The following TBC1D1 variants were observed in gnomAD, a reference collection of about 807,000 sequenced individuals.
TBC1D1 encodes the protein TBC1 domain family member 1, also known as TBC1 (tre-2/USP6, BUB2, cdc16) domain family, member 1.
In TBC1D1, 89 loss-of-function variants were observed where a neutral mutation model predicts 125.6. The observed-to-expected ratio is 0.71, with a 90% CI of 0.60 to 0.85. TBC1D1 has a LOEUF of 0.85. Among genes scored for constraint, TBC1D1 ranks in the 40% least tolerant of loss-of-function variants. The pLI, the probability that TBC1D1 is intolerant of heterozygous loss-of-function variation, is 0.00. For missense variants in TBC1D1, 1,377 were observed against 1,469.2 expected, an observed-to-expected ratio of 0.94 and a Z score of 1.03; for synonymous variants, 565 against 564.1, an observed-to-expected ratio of 1.00 and a Z score of -0.02.
intron 2 of TBC1D1, among the ~76,000 whole-genome samples, chr4:37,983,427 T>C (rs1050334774): frequency 1.2e-4 from 19 of 152,150 alleles, no homozygotes; most frequent in African/African-American, 4.6e-4. Context: ...TCCCCCAAAC[T>C]CTTATAGCTG....
rs1489222747 is a variant in TBC1D1 at position 37,902,249 on chromosome 4, A to G, written c.154A>G (p.Arg52Gly). Reference sequence around the variant, plus strand: ...TGTGGCTGAGGTGCGAAGACTCAGCAGGCAGTCCACCAGAAAGGAACCTGT... The same window carrying G: ...TGTGGCTGAGGTGCGAAGACTCAGCGGGCAGTCCACCAGAAAGGAACCTGT... Residue 52 changes from arginine (R) to glycine (G), a missense_variant, in exon 2 of 20, where the codon AGG becomes GGG. By Grantham distance (125) the Arg-to-Gly change is moderately radical. Around this residue, in one of 3 missense-constraint regions of TBC1D1, gnomAD observed 822 missense variants for 824.6 expected, o/e 1.00. Coordinates refer to ENST00000261439, the MANE Select transcript of TBC1D1 (RefSeq NM_015173.4). 1.2e-6 allele frequency: 2 copies of G among 1,614,132 alleles called. No homozygotes were observed. The highest frequency in any genetic ancestry group is 1.7e-6 in the Non-Finnish European group (2 of 1,180,020).
At chr4:38,101,302 T>A (rs543684033) in intron 14 of TBC1D1, among the ~76,000 whole-genome samples, 2 of 152,274 alleles carry the variant, frequency 1.3e-5, no homozygotes, top group South Asian at 4.1e-4. Flanking sequence ...AATGCCTAAC[T>A]TGGAGGCTTC....
chr4:38,056,180 C>T lies in TBC1D1; in HGVS notation c.2050+1842C>T, dbSNP rs75963568. On this transcript the variant is annotated intron_variant, in intron 12 of 19. Transcript: ENST00000261439. ...CTGAAGCCACACGGAAATGTGTTTG[C>T]ATCTGTTTCCTGCCCTTCAGATGAC... Among the ~76,000 whole-genome samples the T allele has an allele frequency of 8.9e-3, 1,362 of 152,288 alleles. 21 individuals are homozygous for T. The highest frequency in any genetic ancestry group is 0.031 in the African/African-American group (1,292 of 41,558).
At chr4:38,110,457 G>C in intron 15 of TBC1D1, 1 of 985,382 alleles carries the variant, frequency 1.0e-6, no homozygotes, top group Non-Finnish European at 1.2e-6. Context: ...ATTGATCCTG[G>C]AAGAACATCC....
At chr4:37,997,389 T>C (rs1045299161) in intron 2 of TBC1D1, among the ~76,000 whole-genome samples, 1 of 152,230 alleles carries the variant, frequency 6.6e-6, no homozygotes, top group Non-Finnish European at 1.5e-5. Context: ...TTGTGTGTTA[T>C]GTCGTGAAGC....
chr4:37,924,544 C>A (rs1005505800), intron 2 of TBC1D1, among the ~76,000 whole-genome samples: 6 of 152,164 alleles, frequency 3.9e-5, no homozygotes, highest in Non-Finnish European at 5.9e-5. Context: ...CTGCTCCCTG[C>A]CTCCAGACCC....
intron 2 of TBC1D1, among the ~76,000 whole-genome samples, chr4:37,994,216 T>G (rs1323378692): frequency 6.6e-6 from 1 of 152,236 alleles, no homozygotes; most frequent in Non-Finnish European, 1.5e-5. Flanking sequence ...TCAAGAAGTC[T>G]GTACCATTTG....
At chr4:37,915,499 G>C (rs961146057) in intron 2 of TBC1D1, among the ~76,000 whole-genome samples, 1 of 152,180 alleles carries the variant, frequency 6.6e-6, no homozygotes, top group Non-Finnish European at 1.5e-5. Context: ...ATCAGGTAGA[G>C]AGCAAATTTA....
chr4:37,943,544 C>CT (rs956963553), intron 2 of TBC1D1, among the ~76,000 whole-genome samples: 11 of 152,156 alleles, frequency 7.2e-5, no homozygotes, highest in African/African-American at 2.7e-4. Context: ...TCTTTTTACT[C>CT]TTTTTTCTCC....
chr4:38,081,243 GC>G (rs1329950480), intron 12 of TBC1D1, among the ~76,000 whole-genome samples: 1 of 152,114 alleles, frequency 6.6e-6, no homozygotes, highest in Non-Finnish European at 1.5e-5. Flanking sequence ...TGCTCAGGGC[GC>G]CATGGTGCTA....
chr4:38,107,227 C>G (rs1325313269), intron 15 of TBC1D1, among the ~76,000 whole-genome samples: 1 of 152,190 alleles, frequency 6.6e-6, no homozygotes, highest in Non-Finnish European at 1.5e-5. Flanking sequence ...CAGTGGAGTC[C>G]CAGGTGCCCT....
At chr4:38,020,547 G>A (rs767060325) in intron 4 of TBC1D1, 44 bp from the exon 5 acceptor site, 28 of 1,501,086 alleles carry the variant, frequency 1.9e-5, no homozygotes, top group East Asian at 9.2e-5. Flanking sequence ...AGGATGGTGC[G>A]TCTTCTGGAT....
chr4:38,007,078 G>A (rs778449457), intron 2 of TBC1D1: 12 of 330,140 alleles, frequency 3.6e-5, no homozygotes, highest in South Asian at 2.3e-4. Flanking sequence ...CGAGACATGC[G>A]CAGGGCATAT....
intron 12 of TBC1D1, among the ~76,000 whole-genome samples, chr4:38,054,825 C>T (rs1751379637): frequency 6.6e-6 from 1 of 152,196 alleles, no homozygotes; most frequent in East Asian, 1.9e-4. Context: ...GCCATACTTC[C>T]GGGGTCTTGC....
chr4:37,906,256 T>C (rs1717310315), intron 2 of TBC1D1, among the ~76,000 whole-genome samples: 1 of 152,124 alleles, frequency 6.6e-6, no homozygotes, highest in Non-Finnish European at 1.5e-5. Context: ...CAAGCGATTC[T>C]CCTGCCTCAG....
At chr4:38,080,879 A>G (rs1049099228) in intron 12 of TBC1D1, among the ~76,000 whole-genome samples, 7 of 152,222 alleles carry the variant, frequency 4.6e-5, no homozygotes, top group Non-Finnish European at 8.8e-5. Context: ...GATTGGTCAC[A>G]GGAAGGTAGG....
At chr4:38,008,980 T>C (rs968328833) in intron 2 of TBC1D1, among the ~76,000 whole-genome samples, 6 of 152,228 alleles carry the variant, frequency 3.9e-5, no homozygotes, top group African/African-American at 1.2e-4. Context: ...TATGAATGTT[T>C]ACCTGTGTCC....
chr4:38,074,345 A>G (rs956247161), intron 12 of TBC1D1, among the ~76,000 whole-genome samples: 2 of 152,176 alleles, frequency 1.3e-5, no homozygotes, highest in African/African-American at 4.8e-5. Context: ...ATCCCAACAC[A>G]AGGTTAAACA....
At chr4:38,131,833 G>A (rs1482771513) in intron 18 of TBC1D1, among the ~76,000 whole-genome samples, 1 of 152,022 alleles carries the variant, frequency 6.6e-6, no homozygotes, top group Non-Finnish European at 1.5e-5. Flanking sequence ...TACTCCCCTC[G>A]CACACATGCA....
Sources: allele counts gnomAD v4.1 joint callset (sites outside exome capture counted in the v4.1 genomes callset), GRCh38; gene constraint gnomAD v4.1.1; regional missense constraint gnomAD v4.1.1; transcripts MANE v1.5; gene names NCBI Gene and HGNC (gene_info 2026-07-23, HGNC 2026-07-21).